DAB1: variants seen among roughly 807,000 people sequenced by gnomAD.
DAB1 encodes the protein disabled homolog 1.
Under a neutral mutation model 64.6 loss-of-function variants are expected in DAB1, and 15 were observed. That is an observed-to-expected ratio of 0.23 (90% CI 0.16 to 0.36). The LOEUF (loss-of-function observed/expected upper bound fraction) is 0.36. Among genes scored for constraint, DAB1 ranks in the 10% least tolerant of loss-of-function variants. The pLI, the probability that DAB1 is intolerant of heterozygous loss-of-function variation, is 1.00. For missense variants in DAB1, 596 were observed against 706.7 expected (o/e 0.84, Z 1.78); for synonymous variants, 235 against 251.9 (o/e 0.93, Z 0.64).
chr1:56,996,471 CT>C lies in DAB1; in HGVS notation c.*1672del, dbSNP rs1446839817. 3 of 152,160 alleles carry C rather than the reference CT, an allele frequency of 2.0e-5. No individual in the cohort carries two copies. Among genetic ancestry groups the C allele is most frequent in the Non-Finnish European group, 4.4e-5 (3 of 68,028 alleles). The allele number at this position is 152,160 out of a possible 1,614,324, so 9.4% of individuals were successfully genotyped here. ...CTAAACATACGAACCAAACACTGCA[CT>C]TTTTGTCTCATAAGTGTAAAAAAAG... On this transcript the variant is annotated 3_prime_UTR_variant, in exon 15 of 15. Transcript: ENST00000371236.
At chr1:57,735,314 C>T (rs1647631735) in intron 6 of DAB1, among the ~76,000 whole-genome samples, 1 of 152,312 alleles carries the variant, frequency 6.6e-6, no homozygotes, top group South Asian at 2.1e-4. Flanking sequence ...TCAGTTTCTG[C>T]TCTATAAATT....
chr1:58,140,286 T>C (rs954002749), intron 5 of DAB1, among the ~76,000 whole-genome samples: 1 of 152,186 alleles, frequency 6.6e-6, no homozygotes, highest in Non-Finnish European at 1.5e-5. Flanking sequence ...ACTCTCTCCT[T>C]GGCACTGACA....
chr1:57,231,966 C>T (rs1239029050), intron 2 of DAB1, among the ~76,000 whole-genome samples: 1 of 152,172 alleles, frequency 6.6e-6, no homozygotes, highest in East Asian at 1.9e-4. Context: ...GACTTAGTGA[C>T]TCTGTACTCC....
At chr1:58,446,614 A>G (rs1162014961) in intron 3 of DAB1, among the ~76,000 whole-genome samples, 1 of 152,234 alleles carries the variant, frequency 6.6e-6, no homozygotes, top group Admixed American at 6.5e-5. Context: ...AGCAAAGGGC[A>G]TTTGAGAGAC....
chr1:58,027,741 C>T (rs915241719), intron 5 of DAB1, among the ~76,000 whole-genome samples: 1 of 151,856 alleles, frequency 6.6e-6, no homozygotes, highest in African/African-American at 2.4e-5. Context: ...AGGATCATTG[C>T]ATGATGAAAA....
At chr1:57,077,440 G>A (rs1456662022) in intron 4 of DAB1, among the ~76,000 whole-genome samples, 1 of 152,188 alleles carries the variant, frequency 6.6e-6, no homozygotes, top group African/African-American at 2.4e-5. Context: ...AATGAATGGG[G>A]AGGAAGAAAA....
At chr1:57,374,618 T>A (rs1241890815) in intron 1 of DAB1, among the ~76,000 whole-genome samples, 1 of 152,226 alleles carries the variant, frequency 6.6e-6, no homozygotes, top group African/African-American at 2.4e-5. Flanking sequence ...ACCTAGACAA[T>A]TCTTTCTTCA....
At chr1:58,296,386 G>T (rs547990301) in intron 4 of DAB1, among the ~76,000 whole-genome samples, 28 of 152,128 alleles carry the variant, frequency 1.8e-4, no homozygotes, top group Non-Finnish European at 3.8e-4. Context: ...AATATGATCC[G>T]CTGGCAAAGG....
chr1:57,158,024 C>T (rs116643795), intron 2 of DAB1, among the ~76,000 whole-genome samples: 2,488 of 152,244 alleles, frequency 0.016, 23 homozygotes, highest in African/African-American at 0.024. Flanking sequence ...ATTTAAATCA[C>T]GGTATGCTAC....
intron 1 of DAB1, among the ~76,000 whole-genome samples, chr1:57,838,599 T>C (rs1569820289): frequency 1.3e-5 from 2 of 152,114 alleles, no homozygotes; most frequent in Non-Finnish European, 2.9e-5. Flanking sequence ...GAAAAGAGCA[T>C]GGGTGTTGGA....
intron 3 of DAB1, among the ~76,000 whole-genome samples, chr1:58,485,791 C>A (rs777755267): frequency 6.6e-6 from 1 of 152,090 alleles, no homozygotes; most frequent in African/African-American, 2.4e-5. Flanking sequence ...TTTAACTCCA[C>A]GCACTGCACA....
intron 5 of DAB1, among the ~76,000 whole-genome samples, chr1:57,946,446 T>G (rs1232320227): frequency 2.6e-5 from 4 of 152,214 alleles, no homozygotes; most frequent in Admixed American, 2.6e-4. Context: ...GCCATTTATA[T>G]TTTATTTGCC....
intron 7 of DAB1, among the ~76,000 whole-genome samples, chr1:57,602,398 C>T (rs1373379138): frequency 6.6e-6 from 1 of 152,118 alleles, no homozygotes; most frequent in Non-Finnish European, 1.5e-5. Context: ...GATTTCAGCC[C>T]AGATCCTCTG....
chr1:57,088,196 G>C (rs533532), intron 4 of DAB1, among the ~76,000 whole-genome samples: 13 of 151,908 alleles, frequency 8.6e-5, no homozygotes, highest in Admixed American at 2.6e-4. Flanking sequence ...TCAGCCTCCC[G>C]AATAGCTGGG....
At chr1:58,066,068 G>A (rs1044893388) in intron 5 of DAB1, among the ~76,000 whole-genome samples, 6 of 152,256 alleles carry the variant, frequency 3.9e-5, no homozygotes, top group African/African-American at 1.4e-4. Context: ...CCACAAGGGT[G>A]ATGGTAGAGG....
At chr1:57,842,132 C>T (rs1438846501) in intron 1 of DAB1, among the ~76,000 whole-genome samples, 3 of 152,188 alleles carry the variant, frequency 2.0e-5, no homozygotes, top group Admixed American at 6.5e-5. Context: ...TAAATCATCT[C>T]TCTCAAGTTC....
chr1:57,493,136 G>C (rs1394719724), intron 7 of DAB1, among the ~76,000 whole-genome samples: 1 of 152,002 alleles, frequency 6.6e-6, no homozygotes, highest in Non-Finnish European at 1.5e-5. Flanking sequence ...ATGTGTGTGT[G>C]TGTGTGTGTG....
intron 3 of DAB1, among the ~76,000 whole-genome samples, chr1:58,401,336 A>G (rs1644566880): frequency 6.6e-6 from 1 of 152,112 alleles, no homozygotes; most frequent in Non-Finnish European, 1.5e-5. Flanking sequence ...TGTCTCTCAG[A>G]TGTTGAGGGC....
intron 4 of DAB1, among the ~76,000 whole-genome samples, chr1:58,219,025 C>G (rs28369530): frequency 0.018 from 2,382 of 129,504 alleles, 47 homozygotes; most frequent in African/African-American, 0.04. Context: ...CTCTCTCTCT[C>G]TGTGTGTGTG....
Sources: allele counts gnomAD v4.1 joint callset (sites outside exome capture counted in the v4.1 genomes callset), GRCh38; gene constraint gnomAD v4.1.1; transcripts MANE v1.5; gene names NCBI Gene and HGNC (gene_info 2026-07-23, HGNC 2026-07-21).